CP: variants seen among roughly 807,000 people sequenced by gnomAD.
CP encodes caeruloplasmin.
CP carries 64 observed loss-of-function variants against 122.4 expected under a neutral mutation model. The ratio of observed to expected loss-of-function variants is 0.52; its 90% CI spans 0.43 to 0.64. CP has a LOEUF of 0.64. Ranked by LOEUF, CP falls within the 30% of genes least tolerant of loss-of-function variation. The pLI, the probability that CP is intolerant of heterozygous loss-of-function variation, is 0.00. For synonymous variants in CP, 440 were observed against 436.4 expected (o/e 1.01, Z -0.10); for missense variants, 1,167 against 1,284.4 (o/e 0.91, Z 1.40).
At position 149,172,923 on chromosome 3, in the gene CP, T is replaced by G. The variant is rs998520940; in HGVS notation, c.*791A>C. On this transcript the variant is annotated 3_prime_UTR_variant, in exon 19 of 19. Transcript: ENST00000264613. ...TGTACTCTTGCTCTTTTAGCTAGAG[T>G]GTATGTGAAAATAAAGAAATACATC... 1 of 152,642 alleles carries G rather than the reference T, an allele frequency of 6.6e-6. No individual in the cohort carries two copies. The highest frequency in any genetic ancestry group is 1.5e-5 in the Non-Finnish European group (1 of 68,040). The allele number at this position is 152,642 out of a possible 1,614,324, so 9.5% of individuals were successfully genotyped here. A position where few individuals can be genotyped will look rare whatever the true frequency, so the allele number is the denominator to read the frequency against.
In CP at chr3:149,182,081, G is replaced by A. The variant is rs1559937992; in HGVS notation, c.2478C>T (p.Asn826=). The A allele has an allele frequency of 6.2e-7, 1 of 1,612,418 alleles. No individual in the cohort carries two copies. Residue 826 remains asparagine, a synonymous_variant, in exon 14 of 19, where the codon AAC becomes AAT. Transcript: ENST00000264613. ...GTATTGAGTAGGGCCTTGTGGCCATGTTTTTAAAGATAATTTTGACTTTGT... is the reference window on the plus strand; with the variant it reads ...GTATTGAGTAGGGCCTTGTGGCCATATTTTTAAAGATAATTTTGACTTTGT... ...VGDKVKIIFK[N]MATRPYSIHA... is the part of the protein sequence containing the mutation.
Position 149,173,411 on chromosome 3 carries a change from T to C in CP, c.*303A>G. 1 of 224,376 alleles carries C rather than the reference T, an allele frequency of 4.5e-6. No individual in the cohort carries two copies. Among genetic ancestry groups the C allele is most frequent in the Non-Finnish European group, 8.8e-6 (1 of 113,684 alleles). The allele number at this position is 224,376 out of a possible 1,614,324, so 13.9% of individuals were successfully genotyped here. ...GAGGAGCACCCAGGAGAATATCTGG[T>C]CATAGATCTTTTTTTAAATGCAGTT... On this transcript the variant is annotated 3_prime_UTR_variant, in exon 19 of 19. Transcript: ENST00000264613.
At chr3:149,221,166 G>T (rs758168223) in intron 1 of CP, among the ~76,000 whole-genome samples, 1 of 152,266 alleles carries the variant, frequency 6.6e-6, no homozygotes, top group South Asian at 2.1e-4. Flanking sequence ...AGCTGTGAAA[G>T]ATTAACCTAC....
chr3:149,215,032 T>G (rs1444692182), intron 1 of CP, among the ~76,000 whole-genome samples: 1 of 152,142 alleles, frequency 6.6e-6, no homozygotes, highest in Admixed American at 6.5e-5. Flanking sequence ...TTCTTAAGAG[T>G]CTGAACACAC....
chr3:149,178,080 T>C, intron 16 of CP, 101 bp from the exon 17 acceptor site: 3 of 1,121,322 alleles, frequency 2.7e-6, no homozygotes, highest in Non-Finnish European at 4.0e-6. Flanking sequence ...AGAATCTTTT[T>C]GATGTAATAG....
chr3:149,184,237 A>G (rs897608419), intron 12 of CP, among the ~76,000 whole-genome samples: 4 of 151,516 alleles, frequency 2.6e-5, no homozygotes, highest in African/African-American at 4.9e-5. Context: ...GGGTTTCACC[A>G]TGTTAGCCAG....
At chr3:149,210,005 C>T (rs1413607733) in intron 3 of CP, among the ~76,000 whole-genome samples, 162 bp downstream of exon 3, 1 of 152,166 alleles carries the variant, frequency 6.6e-6, no homozygotes, top group Non-Finnish European at 1.5e-5. Context: ...ATCCCTTCTT[C>T]TCCTAGTCCT....
intron 6 of CP, among the ~76,000 whole-genome samples, chr3:149,203,703 T>C (rs1239670031): frequency 6.6e-6 from 1 of 152,248 alleles, no homozygotes; most frequent in East Asian, 1.9e-4. Context: ...TCATCATTTC[T>C]TTCACTTGAC....
chr3:149,182,722 T>C (rs764031194), intron 13 of CP, among the ~76,000 whole-genome samples: 37 of 152,246 alleles, frequency 2.4e-4, no homozygotes, highest in Non-Finnish European at 4.3e-4. Context: ...GGTATCATTT[T>C]TTCTTTTATT....
At chr3:149,212,419 G>C (rs1291639956) in intron 2 of CP, 32 bp downstream of exon 2, 3 of 1,612,758 alleles carry the variant, frequency 1.9e-6, no homozygotes, top group African/African-American at 1.3e-5. Context: ...TGAAAAGTAA[G>C]AGGAAATTCC....
rs568679918 is a variant in CP at position 149,204,536 on chromosome 3, G to A, written c.1208+1632C>T. ...GATCCTCCTGAGTTGGAGACGCAGC[G>A]TTGGGAGTAATCACATGTAGGTGTC... is the stretch of plus-strand genomic sequence containing the variant. On this transcript the variant is annotated intron_variant, in intron 6 of 18. Transcript: ENST00000264613. Among the ~76,000 whole-genome samples, 19 of 152,336 alleles carry A rather than the reference G, an allele frequency of 1.2e-4. No individual in the cohort carries two copies. In the South Asian group the frequency reaches 1.9e-3, roughly 15 times the overall value.
downstream of CP, chr3:149,171,951 C>G: frequency 1.6e-6 from 1 of 629,000 alleles, no homozygotes. Flanking sequence ...GTGATCTGCC[C>G]ACCTCGGCCT....
intron 4 of CP, among the ~76,000 whole-genome samples, chr3:149,208,113 A>G (rs933588921): frequency 6.6e-6 from 1 of 152,102 alleles, no homozygotes; most frequent in East Asian, 1.9e-4. Flanking sequence ...AAAGATTGCA[A>G]GACAAAATTT....
intron 9 of CP, among the ~76,000 whole-genome samples, chr3:149,188,993 A>C (rs1420038790): frequency 1.3e-5 from 2 of 152,222 alleles, no homozygotes; most frequent in Non-Finnish European, 2.9e-5. Context: ...CAGAGAACTG[A>C]AACTATGATG....
chr3:149,172,303 T>C, downstream of CP: 1 of 1,030,024 alleles, frequency 9.7e-7, no homozygotes, highest in South Asian at 1.3e-5. Flanking sequence ...GTAGAGGAGT[T>C]TTTTATTTTA....
In CP at chr3:149,203,008, G is replaced by A. The variant is rs552551658; in HGVS notation, c.1209-767C>T. ...TGCAACCTCCACCTCTCAGGTTCAA[G>A]CAATTCTCCTGCCTCAGCCTCCCGA... is the stretch of plus-strand genomic sequence containing the variant. On this transcript the variant is annotated intron_variant, in intron 6 of 18. Coordinates refer to ENST00000264613, the MANE Select transcript of CP (RefSeq NM_000096.4). 2.7e-5 allele frequency among the ~76,000 whole-genome samples: 4 copies of A among 147,504 alleles called. No individual in the cohort carries two copies. The South Asian group carries it at 8.7e-4, about 32-fold the overall frequency.
chr3:149,216,531 T>C (rs1040804712), intron 1 of CP, among the ~76,000 whole-genome samples: 2 of 152,228 alleles, frequency 1.3e-5, no homozygotes, highest in African/African-American at 4.8e-5. Flanking sequence ...TGTCTCATCC[T>C]GTTCACAGGT....
chr3:149,176,068 G>GTA (rs1725397859), intron 18 of CP, 182 bp downstream of exon 18: 1 of 615,546 alleles, frequency 1.6e-6, no homozygotes, highest in African/African-American at 1.8e-5. Flanking sequence ...GAAATGAGCA[G>GTA]TATCCCTCAC....
At chr3:149,213,940 G>A (rs1467264077) in intron 1 of CP, among the ~76,000 whole-genome samples, 1 of 152,142 alleles carries the variant, frequency 6.6e-6, no homozygotes, top group African/African-American at 2.4e-5. Flanking sequence ...ATATGCACAG[G>A]AATCTACTGA....
Sources: allele counts gnomAD v4.1 joint callset (sites outside exome capture counted in the v4.1 genomes callset), GRCh38; gene constraint gnomAD v4.1.1; transcripts MANE v1.5; gene names NCBI Gene and HGNC (gene_info 2026-07-23, HGNC 2026-07-21).